The following CAMK4 variants were observed in gnomAD, a reference collection of about 807,000 sequenced individuals.
The protein encoded by CAMK4 is calcium/calmodulin-dependent protein kinase type IV.
In CAMK4, 22 loss-of-function variants were observed where a neutral mutation model predicts 44.9. That is an observed-to-expected ratio of 0.49 (90% CI 0.35 to 0.70). CAMK4 has a LOEUF of 0.70. Ranked by LOEUF, CAMK4 falls within the 30% of genes least tolerant of loss-of-function variation. The pLI is 0.01. For missense variants in CAMK4, 498 were observed against 586.8 expected (o/e 0.85, Z 1.56); for synonymous variants, 218 against 215.4 (o/e 1.01, Z -0.11).
At chr5:111,291,989 A>T (rs1747282056) in intron 1 of CAMK4, among the ~76,000 whole-genome samples, 1 of 152,244 alleles carries the variant, frequency 6.6e-6, no homozygotes, top group Non-Finnish European at 1.5e-5. Flanking sequence ...GCAGGTGCTT[A>T]AGAAAATGCA....
chr5:111,459,693 T>A (rs1754567536), intron 7 of CAMK4, among the ~76,000 whole-genome samples: 2 of 23,204 alleles, frequency 8.6e-5, no homozygotes, highest in Admixed American at 5.8e-4. Flanking sequence ...AGTCTTTTTT[T>A]TTTTTTTTTT....
At position 111,358,621 on chromosome 5, in the gene CAMK4, G is replaced by A. The variant is rs567025952; in HGVS notation, c.240+14519G>A. Reference sequence around the variant, plus strand: ...ATACATATGCAGGTTTGTTATGTAGGTAAACTCGTGTCATGGGGATTTGTT... The same window carrying A: ...ATACATATGCAGGTTTGTTATGTAGATAAACTCGTGTCATGGGGATTTGTT... On this transcript the variant is annotated intron_variant, in intron 2 of 10. Coordinates refer to ENST00000282356, the MANE Select transcript of CAMK4 (RefSeq NM_001744.6). Among the ~76,000 whole-genome samples, 17 of 151,344 alleles carry A rather than the reference G, an allele frequency of 1.1e-4. 1 individual carries two copies. Among genetic ancestry groups the A allele is most frequent in the Admixed American group, 2.6e-4 (4 of 15,162 alleles).
At chr5:111,232,334 G>A (rs73786832) in intron 1 of CAMK4, among the ~76,000 whole-genome samples, 1 of 152,130 alleles carries the variant, frequency 6.6e-6, no homozygotes, top group African/African-American at 2.4e-5. Flanking sequence ...ACAGAGTTGT[G>A]ACAGAGAGGA....
intron 1 of CAMK4, among the ~76,000 whole-genome samples, chr5:111,277,764 T>C (rs1750836967): frequency 6.6e-6 from 1 of 152,192 alleles, no homozygotes; most frequent in African/African-American, 2.4e-5. Context: ...ATTTCATATG[T>C]TTTATAATAT....
chr5:111,422,309 T>C (rs1753062367), intron 5 of CAMK4, among the ~76,000 whole-genome samples: 2 of 152,202 alleles, frequency 1.3e-5, no homozygotes, highest in South Asian at 4.1e-4. Context: ...AGCAGGTGCT[T>C]GCCAGTTTTT....
At chr5:111,255,503 C>T (rs1436982377) in intron 1 of CAMK4, among the ~76,000 whole-genome samples, 1 of 152,136 alleles carries the variant, frequency 6.6e-6, no homozygotes, top group Non-Finnish European at 1.5e-5. Context: ...TCTTTGCTGA[C>T]AACTTCAGCT....
Position 111,251,044 on chromosome 5 carries a change from T to G in CAMK4, c.161+26400T>G, listed in dbSNP as rs553098836. ...GGCTTTGTAAATCCTTGGACATTCT[T>G]TGCTATGGCTTGCTATGCTTAAATA... On this transcript the variant is annotated intron_variant, in intron 1 of 10. Coordinates refer to ENST00000282356, the MANE Select transcript of CAMK4 (RefSeq NM_001744.6). Among the ~76,000 whole-genome samples the G allele has an allele frequency of 1.3e-4, 20 of 152,348 alleles. No homozygotes were observed. The South Asian group carries it at 3.1e-3, about 24-fold the overall frequency.
At chr5:111,368,233 G>C (rs1489851464) in intron 2 of CAMK4, among the ~76,000 whole-genome samples, 1 of 152,102 alleles carries the variant, frequency 6.6e-6, no homozygotes, top group Admixed American at 6.6e-5. Flanking sequence ...TGCTTCTCAA[G>C]ATGTTAATTA....
chr5:111,246,944 G>A (rs1372591599), intron 1 of CAMK4, among the ~76,000 whole-genome samples: 2 of 152,008 alleles, frequency 1.3e-5, no homozygotes, highest in Non-Finnish European at 2.9e-5. Context: ...TACAGCTCCT[G>A]GTATCTCATT....
chr5:111,452,465 G>A (rs796748703), intron 7 of CAMK4, among the ~76,000 whole-genome samples: 10 of 152,192 alleles, frequency 6.6e-5, no homozygotes, highest in African/African-American at 2.4e-4. Context: ...TGAATTTAAG[G>A]GGGAAAGGGA....
intron 1 of CAMK4, among the ~76,000 whole-genome samples, chr5:111,289,849 T>C (rs549284640): frequency 6.6e-6 from 1 of 152,346 alleles, no homozygotes; most frequent in South Asian, 2.1e-4. Context: ...AAATGCTAGC[T>C]CTCAGGGTTG....
intron 1 of CAMK4, among the ~76,000 whole-genome samples, chr5:111,325,583 C>T (rs12657818): frequency 0.055 from 8,363 of 151,998 alleles, 376 homozygotes; most frequent in East Asian, 0.24. Flanking sequence ...AACTGGCATG[C>T]GATGGTATCT....
At chr5:111,473,232 A>G in intron 7 of CAMK4, 79 bp from the exon 8 acceptor site, 1 of 944,864 alleles carries the variant, frequency 1.1e-6, no homozygotes, top group Non-Finnish European at 1.7e-6. Flanking sequence ...TGATGAATTT[A>G]TTTCTTTCCC....
chr5:111,280,458 C>G (rs1318234642), intron 1 of CAMK4, among the ~76,000 whole-genome samples: 3 of 152,144 alleles, frequency 2.0e-5, no homozygotes, highest in Non-Finnish European at 4.4e-5. Context: ...AGTGACCTAC[C>G]AGAGGTCTTA....
At chr5:111,357,732 A>G (rs1381852490) in intron 2 of CAMK4, among the ~76,000 whole-genome samples, 1 of 152,078 alleles carries the variant, frequency 6.6e-6, no homozygotes, top group Non-Finnish European at 1.5e-5. Context: ...AACTCACCAT[A>G]TGTCATGTCA....
intron 1 of CAMK4, among the ~76,000 whole-genome samples, chr5:111,246,737 C>G (rs1452713993): frequency 6.6e-6 from 1 of 152,078 alleles, no homozygotes; most frequent in East Asian, 1.9e-4. Context: ...TGACCTAGGC[C>G]CAGATTACCA....
intron 1 of CAMK4, among the ~76,000 whole-genome samples, chr5:111,272,673 C>T (rs1253308891): frequency 6.6e-6 from 1 of 152,012 alleles, no homozygotes; most frequent in Non-Finnish European, 1.5e-5. Flanking sequence ...AGTATTTCAA[C>T]AAAGTTGCAA....
chr5:111,377,766 C>A (rs1441887713), intron 4 of CAMK4, among the ~76,000 whole-genome samples: 2 of 151,776 alleles, frequency 1.3e-5, no homozygotes, highest in Non-Finnish European at 2.9e-5. Flanking sequence ...AGAAGCCATG[C>A]GTGAATGGAA....
Position 111,464,258 on chromosome 5 carries a change from T to A in CAMK4, c.626-9053T>A, listed in dbSNP as rs186329285. On this transcript the variant is annotated intron_variant, in intron 7 of 10. Coordinates refer to ENST00000282356, the MANE Select transcript of CAMK4 (RefSeq NM_001744.6). Reference sequence around the variant, plus strand: ...AGAGCTTCAGAGCTCGAAGACAAAGTTTTTGGATTAACCCAATTCAGTAAA... The same window carrying A: ...AGAGCTTCAGAGCTCGAAGACAAAGATTTTGGATTAACCCAATTCAGTAAA... Among the ~76,000 whole-genome samples, 596 of 151,976 alleles carry A rather than the reference T, an allele frequency of 3.9e-3. 4 individuals are homozygous for A. Among genetic ancestry groups the A allele is most frequent in the Middle Eastern group, 0.014 (4 of 294 alleles).
Sources: gnomAD v4.1 joint callset for allele counts (sites outside exome capture counted in the v4.1 genomes callset) on GRCh38, gnomAD v4.1.1 for gene constraint, MANE v1.5 for transcripts, NCBI Gene and HGNC (gene_info 2026-07-23, HGNC 2026-07-21) for gene names.